The following C6orf89 variants were observed in gnomAD, a reference collection of about 807,000 sequenced individuals.
The protein encoded by C6orf89 is chromosome 6 open reading frame 89, also known as bombesin receptor-activated protein C6orf89.
A neutral mutation model predicts 40.7 loss-of-function variants in C6orf89; 29 were observed. The observed-to-expected ratio is 0.71, with a 90% confidence interval of 0.53 to 0.97. The LOEUF (loss-of-function observed/expected upper bound fraction) is 0.97. Ranked by LOEUF, C6orf89 falls within the 50% of genes least tolerant of loss-of-function variation. The pLI is 0.00. For missense variants in C6orf89, 392 were observed against 429.1 expected, an observed-to-expected ratio of 0.91 and a Z score of 0.76; for synonymous variants, 165 against 152.2, an observed-to-expected ratio of 1.08 and a Z score of -0.62.
intron 4 of C6orf89, among the ~76,000 whole-genome samples, chr6:36,903,106 C>G (rs1486751198): frequency 2.0e-5 from 3 of 152,070 alleles, no homozygotes; most frequent in Non-Finnish European, 4.4e-5. Context: ...CTTTTTCAGG[C>G]TGGGTGTGGT....
chr6:36,875,701 TA>T lies in C6orf89; in HGVS notation c.-627-3305del, dbSNP rs550362193. On this transcript the variant is annotated intron_variant, in intron 1 of 9. Coordinates refer to the C6orf89 transcript ENST00000359359. ...GTTTACCATGTGCCAGGCATCAAGC[TA>T]AGCATTTTATTGCGTATTTTCACGC... 6.8e-4 allele frequency among the ~76,000 whole-genome samples: 103 copies of T among 152,392 alleles called. 3 individuals are homozygous for T. In the East Asian group the frequency reaches 0.018, roughly 26 times the overall value.
chr6:36,880,236 T>C (rs1165177438), intron 2 of C6orf89, among the ~76,000 whole-genome samples: 1 of 152,198 alleles, frequency 6.6e-6, no homozygotes, highest in African/African-American at 2.4e-5. Flanking sequence ...GTCAGGTTAA[T>C]TAAAAAATGA....
chr6:36,928,188 C>T lies in C6orf89; in HGVS notation c.*4747C>T, dbSNP rs2150725337. On this transcript the variant is annotated 3_prime_UTR_variant, in exon 9 of 9. Coordinates refer to ENST00000480824, the MANE Select transcript of C6orf89 (RefSeq NM_001286635.2). ...CTGTCAGGATTTGACAGGGCTGGAC[C>T]AGAGACCCTTCCGCCTCTGCCTAGT... 1 of 152,372 alleles carries T rather than the reference C, an allele frequency of 6.6e-6. No individual in the cohort carries two copies. Among genetic ancestry groups the T allele is most frequent in the South Asian group, 2.1e-4 (1 of 4,826 alleles). 9.4% of individuals were successfully genotyped at this position (152,372 alleles called of 1,614,324 possible). A position where few individuals can be genotyped will look rare whatever the true frequency, so the allele number is the denominator to read the frequency against.
intron 2 of C6orf89, among the ~76,000 whole-genome samples, chr6:36,895,418 G>A (rs1291968052): frequency 6.6e-6 from 1 of 152,138 alleles, no homozygotes; most frequent in Non-Finnish European, 1.5e-5. Flanking sequence ...TGAAAAGAAT[G>A]TGGGGTCGAA....
At chr6:36,919,995 T>C (rs1762459742) in intron 8 of C6orf89, among the ~76,000 whole-genome samples, 1 of 152,148 alleles carries the variant, frequency 6.6e-6, no homozygotes, top group African/African-American at 2.4e-5. Context: ...CCTCGTTTTA[T>C]AGATGAAAAG....
In C6orf89 at chr6:36,925,415, C is replaced by G. The variant is rs1178136505; in HGVS notation, c.*1974C>G. The stretch of plus-strand genomic sequence containing the variant: ...TATTCCTTTCCCCATTTCACTCTTG[C>G]CCTTCACATCTTAAATGTCCATAAG... On this transcript the variant is annotated 3_prime_UTR_variant, in exon 9 of 9. Coordinates refer to ENST00000480824, the MANE Select transcript of C6orf89 (RefSeq NM_001286635.2). 6.6e-6 allele frequency: 1 copy of G among 152,182 alleles called. No homozygotes were observed. Among genetic ancestry groups the G allele is most frequent in the Non-Finnish European group, 1.5e-5 (1 of 68,048 alleles). 9.4% of individuals were successfully genotyped at this position (152,182 alleles called of 1,614,324 possible). A position where few individuals can be genotyped will look rare whatever the true frequency, so the allele number is the denominator to read the frequency against.
At chr6:36,919,836 G>T in intron 8 of C6orf89, 135 bp downstream of exon 8, 1 of 913,136 alleles carries the variant, frequency 1.1e-6, no homozygotes, top group African/African-American at 1.7e-5. Flanking sequence ...CTGTTAACAG[G>T]CTCAATATTT....
intron 3 of C6orf89, among the ~76,000 whole-genome samples, chr6:36,900,584 C>T (rs1357849505): frequency 4.0e-5 from 6 of 151,448 alleles, no homozygotes; most frequent in Admixed American, 1.3e-4. Flanking sequence ...ACTGCAGCCT[C>T]GAACTCCCAG....
chr6:36,921,889 G>A (rs1018088424), intron 8 of C6orf89, among the ~76,000 whole-genome samples: 23 of 151,912 alleles, frequency 1.5e-4, no homozygotes, highest in Non-Finnish European at 3.1e-4. Flanking sequence ...TTAGCCAGGC[G>A]TGGTGGCACA....
chr6:36,889,907 T>C (rs1429492767), intron 1 of C6orf89, among the ~76,000 whole-genome samples: 1 of 152,230 alleles, frequency 6.6e-6, no homozygotes, highest in African/African-American at 2.4e-5. Context: ...TTCAAGTAGT[T>C]CTGGTAAAAA....
At chr6:36,908,782 G>A (rs1762017620) in intron 4 of C6orf89, among the ~76,000 whole-genome samples, 1 of 152,150 alleles carries the variant, frequency 6.6e-6, no homozygotes. Context: ...ATAGGGCCAC[G>A]TCCCCTCTCA....
At chr6:36,914,722 G>GCTCATGC in intron 6 of C6orf89, 29 bp downstream of exon 6, 2 of 1,605,884 alleles carry the variant, frequency 1.2e-6, no homozygotes, top group Non-Finnish European at 1.7e-6. Context: ...GGGCACAGTG[G>GCTCATGC]CTCATGCCTG....
chr6:36,914,818 C>T, intron 6 of C6orf89, 125 bp downstream of exon 6: 1 of 1,155,216 alleles, frequency 8.7e-7, no homozygotes, highest in Non-Finnish European at 1.2e-6. Context: ...GGCAAAACCC[C>T]ATCTCTACTA....
At chr6:36,919,362 C>T (rs1450369754) in intron 7 of C6orf89, among the ~76,000 whole-genome samples, 1 of 152,210 alleles carries the variant, frequency 6.6e-6, no homozygotes, top group Non-Finnish European at 1.5e-5. Context: ...AGATTTTACT[C>T]TGGTCTTAGT....
chr6:36,901,324 T>TTATTATTATTATTACTA (rs1561865541), intron 3 of C6orf89, among the ~76,000 whole-genome samples: 1 of 26,970 alleles, frequency 3.7e-5, no homozygotes, highest in African/African-American at 2.3e-4. Flanking sequence ...TATTATTATT[T>TTATTATTATTATTACTA]TTTTTTTTTT....
upstream of C6orf89, among the ~76,000 whole-genome samples, chr6:36,884,912 G>A (rs1774921942): frequency 6.6e-6 from 1 of 152,124 alleles, no homozygotes; most frequent in African/African-American, 2.4e-5. The surrounding 1 kb of genome is among the most constrained non-coding windows in gnomAD (Gnocchi z 4.0). Context: ...CCTCTACTCA[G>A]CCCTTATTCT....
chr6:36,907,956 G>C (rs1328343092), intron 4 of C6orf89, among the ~76,000 whole-genome samples: 1 of 152,162 alleles, frequency 6.6e-6, no homozygotes, highest in Non-Finnish European at 1.5e-5. Flanking sequence ...CAGTTGTATA[G>C]AGAACACGTC....
intron 7 of C6orf89, 33 bp from the exon 8 acceptor site, chr6:36,919,545 T>G (rs1428210257): frequency 1.3e-6 from 2 of 1,595,976 alleles, no homozygotes; most frequent in East Asian, 2.2e-5. Context: ...TTCTTTGCCT[T>G]CCTTTTCCTC....
intron 1 of C6orf89, among the ~76,000 whole-genome samples, chr6:36,876,737 A>AG (rs1774665289): frequency 8.8e-6 from 1 of 113,414 alleles, no homozygotes; most frequent in Non-Finnish European, 2.0e-5. Flanking sequence ...AAAAAAAAAA[A>AG]AAAAGAAGAA....
Sources: allele counts gnomAD v4.1 joint callset (sites outside exome capture counted in the v4.1 genomes callset), GRCh38; gene constraint gnomAD v4.1.1; non-coding constraint Gnocchi (gnomAD v3.1); transcripts MANE v1.5; gene names NCBI Gene and HGNC (gene_info 2026-07-23, HGNC 2026-07-21).